The following AMBRA1 variants were observed in gnomAD, a reference collection of about 807,000 sequenced individuals.
The protein encoded by AMBRA1 is autophagy and beclin 1 regulator 1.
Under a neutral mutation model 125.4 loss-of-function variants are expected in AMBRA1, and 47 were observed. That is an observed-to-expected ratio of 0.37 (90% CI 0.30 to 0.48). The LOEUF (loss-of-function observed/expected upper bound fraction) is 0.48, where lower values mean the gene tolerates loss of function less well. Ranked by LOEUF, AMBRA1 falls within the 20% of genes least tolerant of loss-of-function variation. The probability of loss-of-function intolerance (pLI) is 0.99; values close to 1 mark genes in which losing one functional copy is unlikely to be tolerated. For missense variants in AMBRA1, 1,331 were observed against 1,693.4 expected, an observed-to-expected ratio of 0.79 and a Z score of 3.76; for synonymous variants, 626 against 655.5, an observed-to-expected ratio of 0.95 and a Z score of 0.69.
At chr11:46,499,569 T>TA (rs2135000864) in intron 9 of AMBRA1, among the ~76,000 whole-genome samples, 1 of 152,314 alleles carries the variant, frequency 6.6e-6, no homozygotes, top group South Asian at 2.1e-4. Context: ...ACAGGTACCA[T>TA]ATAGCCTATT....
chr11:46,578,507 G>A (rs1268873048), intron 1 of AMBRA1, among the ~76,000 whole-genome samples: 1 of 150,392 alleles, frequency 6.6e-6, no homozygotes, highest in African/African-American at 2.4e-5. Context: ...AATCTAGGTA[G>A]GACTGTAGCC....
intron 11 of AMBRA1, among the ~76,000 whole-genome samples, chr11:46,484,651 CT>C (rs369572491): frequency 0.043 from 6,264 of 147,298 alleles, 433 homozygotes; most frequent in African/African-American, 0.15. Flanking sequence ...ACTTCTTTGG[CT>C]TTTTTTTTTT....
At chr11:46,403,016 C>T (rs544558003) in intron 17 of AMBRA1, among the ~76,000 whole-genome samples, 1 of 152,270 alleles carries the variant, frequency 6.6e-6, no homozygotes, top group Admixed American at 6.5e-5. Context: ...GGCACAGTGG[C>T]AGACAGGGGG....
chr11:46,583,139 G>C (rs530216368), intron 1 of AMBRA1, among the ~76,000 whole-genome samples: 4 of 152,192 alleles, frequency 2.6e-5, no homozygotes, highest in African/African-American at 9.6e-5. Context: ...CATGGTACTG[G>C]TACCAAAACA....
chr11:46,397,509 C>T lies in AMBRA1; in HGVS notation c.3838G>A (p.Asp1280Asn). 6.5e-7 allele frequency: 1 copy of T among 1,534,094 alleles called. No individual in the cohort carries two copies. The highest frequency in any genetic ancestry group is 8.8e-7 in the Non-Finnish European group (1 of 1,138,266). The change falls in exon 18 of 18, where the codon GAT (aspartate) becomes AAT (asparagine). Residue 1280 changes from aspartate (D) to asparagine (N), a missense_variant. Physicochemically the swap from Asp to Asn is conservative, Grantham distance 23. Coordinates refer to ENST00000683756, the MANE Select transcript of AMBRA1 (RefSeq NM_001387011.1). ...GCGTCCCCCCTGCTGCTGCCACCATCCAGAAGGTGGTTGTTATTGGTCAAC... is the reference window on the plus strand; with the variant it reads ...GCGTCCCCCCTGCTGCTGCCACCATTCAGAAGGTGGTTGTTATTGGTCAAC... ...CELTNNNHLLDGGSSRGDAAG... is the reference protein window; with the variant it reads ...CELTNNNHLLNGGSSRGDAAG...
At chr11:46,421,320 G>A (rs1435477669) in intron 14 of AMBRA1, among the ~76,000 whole-genome samples, 1 of 152,222 alleles carries the variant, frequency 6.6e-6, no homozygotes, top group Admixed American at 6.5e-5. Context: ...AGTGCCGAAA[G>A]GGCAGTTCTC....
chr11:46,398,514 T>C lies in AMBRA1; in HGVS notation c.3404-571A>G, dbSNP rs556260288. Among the ~76,000 whole-genome samples, 27 of 152,330 alleles carry C rather than the reference T, an allele frequency of 1.8e-4. No homozygotes were observed. In the South Asian group the frequency reaches 2.1e-3, roughly 12 times the overall value. On this transcript the variant is annotated intron_variant, in intron 17 of 17. Coordinates refer to ENST00000683756, the MANE Select transcript of AMBRA1 (RefSeq NM_001387011.1). The stretch of plus-strand genomic sequence containing the variant: ...TATTGATTGATTGATTGATGGAGTC[T>C]CACTCTTTCACCCAGGCTGGAGTGC...
intron 11 of AMBRA1, among the ~76,000 whole-genome samples, chr11:46,468,941 C>G (rs1469444254): frequency 6.6e-6 from 1 of 152,032 alleles, no homozygotes; most frequent in Admixed American, 6.5e-5. Flanking sequence ...GTCAGGAATT[C>G]GAGACCAGCC....
chr11:46,555,934 T>C (rs548440534), intron 1 of AMBRA1, among the ~76,000 whole-genome samples: 3 of 152,390 alleles, frequency 2.0e-5, no homozygotes, highest in Non-Finnish European at 2.9e-5. Flanking sequence ...ACTATGCCCA[T>C]GTGGGCAAAG....
At chr11:46,446,782 A>C (rs1948303516) in intron 11 of AMBRA1, among the ~76,000 whole-genome samples, 1 of 152,240 alleles carries the variant, frequency 6.6e-6, no homozygotes, top group Non-Finnish European at 1.5e-5. Context: ...CCTACATTTT[A>C]ACTCCAGGGT....
chr11:46,456,675 G>A (rs1948859528), intron 11 of AMBRA1, among the ~76,000 whole-genome samples: 2 of 152,194 alleles, frequency 1.3e-5, no homozygotes, highest in South Asian at 2.1e-4. Flanking sequence ...GAGTGGAATT[G>A]GACCAGAGGG....
intron 14 of AMBRA1, among the ~76,000 whole-genome samples, chr11:46,421,775 C>G (rs1027586937): frequency 2.0e-5 from 3 of 152,204 alleles, no homozygotes; most frequent in Non-Finnish European, 4.4e-5. Context: ...TTACGTAGCT[C>G]TGCTAATCCC....
In AMBRA1 at chr11:46,397,520, T is replaced by C. The variant is rs200904856; in HGVS notation, c.3827A>G (p.Asn1276Ser). 9 of 1,536,476 alleles carry C rather than the reference T, an allele frequency of 5.9e-6. No individual in the cohort carries two copies. The highest frequency in any genetic ancestry group is 4.5e-5 in the East Asian group (2 of 44,048). ...PTLHCELTNN[N>S]HLLDGGSSRG... ...GCTGCTGCCACCATCCAGAAGGTGG[T>C]TGTTATTGGTCAACTCGCAGTGGAG... Residue 1276 changes from asparagine to serine, a missense_variant, in exon 18 of 18, where the codon AAC (asparagine) becomes AGC (serine). Coordinates refer to ENST00000683756, the MANE Select transcript of AMBRA1 (RefSeq NM_001387011.1).
intron 1 of AMBRA1, among the ~76,000 whole-genome samples, chr11:46,579,045 T>TTAAA (rs755297972): frequency 1.5e-5 from 1 of 68,040 alleles, no homozygotes; most frequent in South Asian, 4.8e-4. Flanking sequence ...AAGAAAGCAA[T>TTAAA]AAAAAAAAAA....
At chr11:46,469,002 G>A (rs1278238260) in intron 11 of AMBRA1, among the ~76,000 whole-genome samples, 1 of 151,544 alleles carries the variant, frequency 6.6e-6, no homozygotes, top group Non-Finnish European at 1.5e-5. Flanking sequence ...AATTAGCTGG[G>A]TGTGGTGGTC....
At chr11:46,447,225 G>C (rs1393716714) in intron 11 of AMBRA1, among the ~76,000 whole-genome samples, 1 of 151,604 alleles carries the variant, frequency 6.6e-6, no homozygotes, top group Admixed American at 6.6e-5. Context: ...CCTGGACAGA[G>C]TGAGACTCTT....
intron 1 of AMBRA1, among the ~76,000 whole-genome samples, chr11:46,555,697 T>C (rs1281150567): frequency 6.6e-6 from 1 of 152,188 alleles, no homozygotes; most frequent in Non-Finnish European, 1.5e-5. Context: ...GCAAAAATAA[T>C]TCATTGTGAT....
chr11:46,464,846 A>G (rs1949252697), intron 11 of AMBRA1, among the ~76,000 whole-genome samples: 2 of 151,980 alleles, frequency 1.3e-5, no homozygotes, highest in African/African-American at 4.8e-5. Flanking sequence ...AGAGTTTGAG[A>G]CCATCCTGGC....
intron 1 of AMBRA1, among the ~76,000 whole-genome samples, chr11:46,561,499 A>C (rs186955609): frequency 6.6e-6 from 1 of 152,294 alleles, no homozygotes; most frequent in Non-Finnish European, 1.5e-5. Flanking sequence ...AGAAAAACAA[A>C]ACCTGGAAGA....
Sources: gnomAD v4.1 joint callset for allele counts (sites outside exome capture counted in the v4.1 genomes callset) on GRCh38, gnomAD v4.1.1 for gene constraint, MANE v1.5 for transcripts, NCBI Gene and HGNC (gene_info 2026-07-23, HGNC 2026-07-21) for gene names.